Variants in PARG observed in about 807,000 individuals in gnomAD.
The protein encoded by PARG is mitochondrial poly(ADP-ribose) glycohydrolase.
In PARG, 35 loss-of-function variants were observed where a neutral mutation model predicts 113.0. The ratio of observed to expected loss-of-function variants is 0.31; its 90% CI spans 0.24 to 0.41. PARG has a LOEUF of 0.41. Ranked by LOEUF, PARG falls within the 10% of genes least tolerant of loss-of-function variation. The pLI is 1.00. For missense variants in PARG, 797 were observed against 1,169.4 expected (o/e 0.68, Z 4.64); for synonymous variants, 330 against 409.9 (o/e 0.81, Z 2.36).
Position 49,841,962 on chromosome 10 carries a change from G to T in PARG, c.2529C>A (p.Arg843=). ...TAAGGTTACTGGCCTTGTTCAGCTC[G>T]CGTCTCATTTTCTCAGGCACAAACT... ...LDQFVPEKMR[R]ELNKAYCGFL... Residue 843 remains arginine (R), a synonymous_variant, in exon 15 of 18, where the codon CGC becomes CGA. Transcript: ENST00000616448. 6.5e-7 allele frequency: 1 copy of T among 1,545,622 alleles called. No homozygotes were observed.
At chr10:49,926,374 G>C (rs1838165122) in intron 4 of PARG, among the ~76,000 whole-genome samples, 1 of 151,956 alleles carries the variant, frequency 6.6e-6, no homozygotes, top group Non-Finnish European at 1.5e-5. Context: ...TAAGCAAGGA[G>C]GTAATAACAG....
intron 9 of PARG, among the ~76,000 whole-genome samples, chr10:49,878,964 G>C (rs1193406042): frequency 1.3e-5 from 2 of 152,142 alleles, no homozygotes; most frequent in African/African-American, 4.8e-5. Context: ...TAGGAGGGAA[G>C]AAAAAACATT....
chr10:49,925,100 A>C (rs1468068022), intron 4 of PARG, among the ~76,000 whole-genome samples: 2 of 152,128 alleles, frequency 1.3e-5, no homozygotes, highest in African/African-American at 2.4e-5. Context: ...TGATGATCTG[A>C]GGTGGAACAG....
At chr10:49,822,987 AC>A (rs1243563666) in intron 16 of PARG, among the ~76,000 whole-genome samples, 2 of 152,192 alleles carry the variant, frequency 1.3e-5, no homozygotes, top group African/African-American at 2.4e-5. Flanking sequence ...GCAGTAGCTG[AC>A]CCTGGACCCT....
chr10:49,831,069 C>A (rs779802175), intron 16 of PARG, among the ~76,000 whole-genome samples: 6 of 152,092 alleles, frequency 3.9e-5, no homozygotes, highest in Non-Finnish European at 5.9e-5. Context: ...ATCCATGAGA[C>A]TGCAGACTTT....
At chr10:49,836,307 C>CCTT (rs1844922887) in intron 15 of PARG, among the ~76,000 whole-genome samples, 1 of 48,004 alleles carries the variant, frequency 2.1e-5, no homozygotes, top group African/African-American at 7.7e-5. Context: ...TTTCTTACGA[C>CCTT]TTTTTTTTTT....
At chr10:49,827,153 G>A (rs1554829513) in intron 16 of PARG, among the ~76,000 whole-genome samples, 1 of 152,238 alleles carries the variant, frequency 6.6e-6, no homozygotes, top group African/African-American at 2.4e-5. Context: ...TACCACTGGA[G>A]TAGAATCTTA....
chr10:49,896,566 T>G (rs1284572608), intron 7 of PARG, among the ~76,000 whole-genome samples: 1 of 152,200 alleles, frequency 6.6e-6, no homozygotes, highest in Non-Finnish European at 1.5e-5. Context: ...ATTACAGGCA[T>G]GAGCCATCAC....
intron 14 of PARG, among the ~76,000 whole-genome samples, chr10:49,843,148 G>GC (rs1845329610): frequency 6.6e-6 from 1 of 152,178 alleles, no homozygotes; most frequent in African/African-American, 2.4e-5. Context: ...GTCAACTGTC[G>GC]CAACATAGGT....
chr10:49,831,238 A>C (rs1378264881), intron 16 of PARG, among the ~76,000 whole-genome samples: 2 of 152,214 alleles, frequency 1.3e-5, no homozygotes, highest in Non-Finnish European at 2.9e-5. Flanking sequence ...AAAAAAAATA[A>C]TAAATGTGTC....
Position 49,933,914 on chromosome 10 carries a change from T to C in PARG, c.534A>G (p.Val178=). The C allele has an allele frequency of 6.2e-7, 1 of 1,604,440 alleles. No homozygotes were observed. The highest frequency in any genetic ancestry group is 8.5e-7 in the Non-Finnish European group (1 of 1,171,194). ...TGTTAGCATTACTAAACTGCTCTGG[T>C]ACCAGGGTTACTGTTTGAGGTTCAC... The part of the protein sequence containing the change: ...LESEPQTVTL[V]PEQFSNANID... The change falls in exon 3 of 18, where the codon GTA becomes GTG. Residue 178 remains valine (V), a synonymous_variant. Coordinates refer to ENST00000616448, the MANE Select transcript of PARG (RefSeq NM_003631.5).
chr10:49,832,330 C>T (rs981656192), intron 16 of PARG, among the ~76,000 whole-genome samples: 4 of 152,206 alleles, frequency 2.6e-5, no homozygotes, highest in African/African-American at 9.6e-5. Context: ...TCTCATACTG[C>T]CTCTCTCTCA....
At chr10:49,934,229 C>T (rs1838634155) in intron 2 of PARG, 66 bp from the exon 3 acceptor site, 1 of 703,836 alleles carries the variant, frequency 1.4e-6, no homozygotes, top group Non-Finnish European at 2.5e-6. Flanking sequence ...CCAATCATAC[C>T]CCCAGTGTCA....
At chr10:49,878,069 G>A (rs1267797818) in intron 9 of PARG, among the ~76,000 whole-genome samples, 2 of 152,142 alleles carry the variant, frequency 1.3e-5, no homozygotes, top group South Asian at 2.1e-4. Context: ...CCCCTGATAC[G>A]GTGCACTGAG....
At chr10:49,851,104 C>T (rs1479849569) in intron 13 of PARG, among the ~76,000 whole-genome samples, 1 of 152,144 alleles carries the variant, frequency 6.6e-6, no homozygotes, top group African/African-American at 2.4e-5. Context: ...CCATTAAAAT[C>T]TTATGAGGAG....
chr10:49,902,979 C>T (rs1315836583), intron 7 of PARG, among the ~76,000 whole-genome samples: 3 of 152,044 alleles, frequency 2.0e-5, no homozygotes. Flanking sequence ...ACTTACACGC[C>T]ACCACACCCA....
intron 15 of PARG, among the ~76,000 whole-genome samples, chr10:49,837,139 C>T (rs1554831258): frequency 1.3e-5 from 2 of 152,114 alleles, no homozygotes; most frequent in African/African-American, 2.4e-5. Context: ...ACCAACTCTA[C>T]TTGCAGGTCA....
intron 7 of PARG, among the ~76,000 whole-genome samples, chr10:49,889,373 T>C (rs1325340674): frequency 6.6e-6 from 1 of 152,214 alleles, no homozygotes; most frequent in Non-Finnish European, 1.5e-5. Context: ...AGCTACTTCA[T>C]TACCAGCAAT....
intron 13 of PARG, among the ~76,000 whole-genome samples, chr10:49,856,324 C>T (rs1185948716): frequency 6.6e-6 from 1 of 151,680 alleles, no homozygotes; most frequent in Non-Finnish European, 1.5e-5. Context: ...GGATTACAGG[C>T]ACCCACCACC....
Sources: gnomAD v4.1 joint callset for allele counts (sites outside exome capture counted in the v4.1 genomes callset) on GRCh38, gnomAD v4.1.1 for gene constraint, MANE v1.5 for transcripts, NCBI Gene and HGNC (gene_info 2026-07-23, HGNC 2026-07-21) for gene names.